The following KLF17 variants were observed in gnomAD, a reference collection of about 807,000 sequenced individuals.
KLF17 encodes Krueppel-like factor 17.
In KLF17, 31 loss-of-function variants were observed where a neutral mutation model predicts 34.2. The ratio of observed to expected loss-of-function variants is 0.91; its 90% CI spans 0.68 to 1.22. The LOEUF (loss-of-function observed/expected upper bound fraction) is 1.22, where lower values mean the gene tolerates loss of function less well. KLF17 is among the 50% of genes most tolerant of loss of function. The pLI is 0.00. For missense variants in KLF17, 478 were observed against 505.2 expected, an observed-to-expected ratio of 0.95 and a Z score of 0.52; for synonymous variants, 179 against 186.7, an observed-to-expected ratio of 0.96 and a Z score of 0.34.
chr1:44,134,380 A>C lies in KLF17; in HGVS notation c.*1143A>C, dbSNP rs945396823. The C allele has an allele frequency of 1.3e-5, 2 of 152,074 alleles. No homozygotes were observed. Among genetic ancestry groups the C allele is most frequent in the African/African-American group, 4.8e-5 (2 of 41,384 alleles). 9.4% of individuals were successfully genotyped at this position (152,074 alleles called of 1,614,324 possible). The stretch of plus-strand genomic sequence containing the variant: ...ACCCCATCTCTACAAAAAATACAAA[A>C]ATTAGCCTGGCATATGGCGGGTACC... On this transcript the variant is annotated 3_prime_UTR_variant, in exon 4 of 4. Coordinates refer to ENST00000372299, the MANE Select transcript of KLF17 (RefSeq NM_173484.4).
At chr1:44,081,221 G>C in the KLF17 span, among the ~76,000 whole-genome samples, 1 of 117,802 alleles carries the variant, frequency 8.5e-6, no homozygotes, top group Admixed American at 8.8e-5. Context: ...ACAAGATCCT[G>C]TAAAAAAAAA....
chr1:44,093,691 A>C, the KLF17 span, among the ~76,000 whole-genome samples: 1 of 152,022 alleles, frequency 6.6e-6, no homozygotes, highest in Non-Finnish European at 1.5e-5. Context: ...CACCGCACTC[A>C]TCTTTATACG....
At chr1:44,053,364 C>T in the KLF17 span, among the ~76,000 whole-genome samples, 2 of 152,186 alleles carry the variant, frequency 1.3e-5, no homozygotes, top group South Asian at 4.1e-4. Flanking sequence ...CCCAGCCACC[C>T]AGAAGCACAT....
chr1:44,082,552 T>C, the KLF17 span, among the ~76,000 whole-genome samples: 9 of 152,320 alleles, frequency 5.9e-5, no homozygotes, highest in African/African-American at 1.9e-4. Flanking sequence ...ATTGGTATCA[T>C]GGGGGTTCCC....
the KLF17 span, among the ~76,000 whole-genome samples, chr1:44,047,142 G>A: frequency 3.3e-5 from 5 of 151,916 alleles, no homozygotes; most frequent in East Asian, 1.9e-4. Flanking sequence ...ATTATGTTTA[G>A]ATATGCTTGT....
the KLF17 span, among the ~76,000 whole-genome samples, chr1:44,049,124 G>A: frequency 6.6e-6 from 1 of 152,182 alleles, no homozygotes; most frequent in Non-Finnish European, 1.5e-5. Flanking sequence ...GCTTGTAGAT[G>A]ACTGCCTTCT....
the KLF17 span, among the ~76,000 whole-genome samples, chr1:44,071,172 C>A: frequency 6.6e-6 from 1 of 152,186 alleles, no homozygotes; most frequent in African/African-American, 2.4e-5. Flanking sequence ...CAGAAGTCAG[C>A]TGTATTCTCC....
At chr1:44,081,269 A>G in the KLF17 span, among the ~76,000 whole-genome samples, 1 of 151,518 alleles carries the variant, frequency 6.6e-6, no homozygotes, top group Non-Finnish European at 1.5e-5. Context: ...AGTTAAACAG[A>G]TTTAGTTAAT....
At chr1:44,087,741 T>TA in the KLF17 span, among the ~76,000 whole-genome samples, 3 of 37,174 alleles carry the variant, frequency 8.1e-5, no homozygotes, top group Non-Finnish European at 1.4e-4. Flanking sequence ...TATATATATA[T>TA]ATATATATAT....
At chr1:44,065,020 G>A in the KLF17 span, among the ~76,000 whole-genome samples, 1 of 152,088 alleles carries the variant, frequency 6.6e-6, no homozygotes, top group Non-Finnish European at 1.5e-5. Context: ...TGGGCGTGGT[G>A]GCTCACGCCT....
the KLF17 span, chr1:44,104,025 T>C: frequency 1.2e-6 from 1 of 863,396 alleles, no homozygotes; most frequent in South Asian, 1.3e-5. Flanking sequence ...GGAGCGGCTG[T>C]TGTCCATGGA....
the KLF17 span, among the ~76,000 whole-genome samples, chr1:44,109,928 G>T: frequency 2.3e-3 from 327 of 140,046 alleles, 1 homozygote; most frequent in Non-Finnish European, 3.7e-3. Flanking sequence ...TTGCGGGGGG[G>T]ACAGAGTCTC....
the KLF17 span, chr1:44,105,478 T>G: frequency 1.3e-5 from 2 of 152,104 alleles, no homozygotes; most frequent in Non-Finnish European, 2.9e-5. Flanking sequence ...AATGCATCAA[T>G]GCAGAGGGAC....
the KLF17 span, among the ~76,000 whole-genome samples, chr1:44,112,799 G>A: frequency 4.6e-5 from 7 of 152,160 alleles, no homozygotes; most frequent in African/African-American, 9.7e-5. Flanking sequence ...AGTAAAATAG[G>A]GTTAGTAAGG....
chr1:44,117,169 C>T (rs1361531442), upstream of KLF17: 1 of 152,120 alleles, frequency 6.6e-6, no homozygotes, highest in Non-Finnish European at 1.5e-5. Context: ...ATCCCATTAC[C>T]AATCAGCATA....
At chr1:44,054,688 A>G in the KLF17 span, among the ~76,000 whole-genome samples, 1 of 150,288 alleles carries the variant, frequency 6.7e-6, no homozygotes, top group African/African-American at 2.5e-5. Context: ...TCACCGTGTT[A>G]GCCAGGATGG....
chr1:44,049,770 G>A, the KLF17 span, among the ~76,000 whole-genome samples: 1,188 of 152,264 alleles, frequency 7.8e-3, 13 homozygotes, highest in South Asian at 0.033. Flanking sequence ...AGCGTGAGCC[G>A]CCGTACCCGG....
the KLF17 span, chr1:44,104,505 T>G: frequency 4.0e-6 from 3 of 746,574 alleles, no homozygotes; most frequent in Non-Finnish European, 7.4e-6. Flanking sequence ...CTCCTTCTCC[T>G]GGGTGCGCAT....
chr1:44,130,035 C>T lies in KLF17; in HGVS notation c.764C>T (p.Pro255Leu), dbSNP rs148405031. Residue 255 changes from proline (P) to leucine (L), a missense_variant, in exon 2 of 4, where the codon CCC (proline) becomes CTC (leucine). Coordinates refer to ENST00000372299, the MANE Select transcript of KLF17 (RefSeq NM_173484.4). ...GAAGGCCCATTTCTACCAGAGCAGCCCGGACCTGCTCCACAGACAGTAGAG... is the reference window on the plus strand; with the variant it reads ...GAAGGCCCATTTCTACCAGAGCAGCTCGGACCTGCTCCACAGACAGTAGAG... ...SQEGPFLPEQ[P>L]GPAPQTVEKN... 6 of 1,614,068 alleles carry T rather than the reference C, an allele frequency of 3.7e-6. No homozygotes were observed. In the African/African-American group the frequency reaches 8.0e-5, roughly 22 times the overall value.
Sources: gnomAD v4.1 joint callset for allele counts (sites outside exome capture counted in the v4.1 genomes callset) on GRCh38, gnomAD v4.1.1 for gene constraint, MANE v1.5 for transcripts, NCBI Gene and HGNC (gene_info 2026-07-23, HGNC 2026-07-21) for gene names.